GAB2: variants seen among roughly 807,000 people sequenced by gnomAD.
The protein encoded by GAB2 is GRB2-associated-binding protein 2.
A neutral mutation model predicts 65.5 loss-of-function variants in GAB2; 26 were observed. The ratio of observed to expected loss-of-function variants is 0.40; its 90% CI spans 0.29 to 0.55. The LOEUF (loss-of-function observed/expected upper bound fraction) is 0.55, where lower values mean the gene tolerates loss of function less well. GAB2 is among the 20% of genes least tolerant of loss of function. GAB2 has a pLI of 0.53. For synonymous variants in GAB2, 321 were observed against 329.6 expected (o/e 0.97, Z 0.28); for missense variants, 884 against 875.8 (o/e 1.01, Z -0.12).
chr11:78,269,875 G>T (rs984744258), intron 2 of GAB2, among the ~76,000 whole-genome samples: 1 of 152,180 alleles, frequency 6.6e-6, no homozygotes. Flanking sequence ...AGGAGTTCGA[G>T]AAGGTAAAAA....
chr11:78,289,019 G>C (rs140672275), intron 1 of GAB2, among the ~76,000 whole-genome samples: 3 of 152,336 alleles, frequency 2.0e-5, no homozygotes, highest in Non-Finnish European at 4.4e-5. Flanking sequence ...AAGATCAAGT[G>C]AAGAACAATG....
intron 2 of GAB2, among the ~76,000 whole-genome samples, chr11:78,276,055 A>G (rs554642402): frequency 6.6e-6 from 1 of 151,106 alleles, no homozygotes; most frequent in South Asian, 2.1e-4. Context: ...TGGAAGTTGC[A>G]GTAAGCCAAG....
In GAB2 at chr11:78,223,467, T is replaced by C; in HGVS notation, c.1512A>G (p.Arg504=). ...TTLPVHRGPS[R]GSEIQPPPVN... The stretch of plus-strand genomic sequence containing the variant: ...CAGGGGGTGGCTGAATCTCACTTCC[T>C]CTGCTGGGGCCTCGGTGCACAGGAA... Residue 504 remains arginine (R), a synonymous_variant, in exon 6 of 10, where the codon AGA becomes AGG. Coordinates refer to ENST00000361507, the MANE Select transcript of GAB2 (RefSeq NM_080491.3). 2 of 1,593,892 alleles carry C rather than the reference T, an allele frequency of 1.3e-6. No homozygotes were observed. The highest frequency in any genetic ancestry group is 1.7e-6 in the Non-Finnish European group (2 of 1,168,948).
chr11:78,346,674 C>CACATATATATATAT lies in GAB2; in HGVS notation c.76-65774_76-65773insATATATATATATGT, dbSNP rs1419527810. ...TGGGCTGTTCTGTTTACATCCCCTC[C>CACATATATATATAT]ATATATATATATATATATATATATA... is the stretch of plus-strand genomic sequence containing the variant. On this transcript the variant is annotated intron_variant, in intron 1 of 9. Transcript: ENST00000361507. Among the ~76,000 whole-genome samples the CACATATATATATAT allele has an allele frequency of 1.6e-4, 9 of 54,908 alleles. 1 individual carries two copies. The highest frequency in any genetic ancestry group is 4.3e-4 in the African/African-American group (6 of 14,104). 36.0% of individuals were successfully genotyped at this position (54,908 alleles called of 152,430 possible).
chr11:78,306,647 T>G lies in GAB2; in HGVS notation c.76-25746A>C, dbSNP rs186533794. ...TCCTTGGTTTATAAAGCTACAAGCT[T>G]CATCATGAATGTTATTTATGTTATT... On this transcript the variant is annotated intron_variant, in intron 1 of 9. Transcript: ENST00000361507. Among the ~76,000 whole-genome samples the G allele has an allele frequency of 2.0e-3, 307 of 152,384 alleles. 2 individuals carry two copies. Among genetic ancestry groups the G allele is most frequent in the Admixed American group, 4.3e-3 (66 of 15,304 alleles).
chr11:78,308,188 G>T (rs1855412470), intron 1 of GAB2, among the ~76,000 whole-genome samples: 1 of 152,094 alleles, frequency 6.6e-6, no homozygotes, highest in Non-Finnish European at 1.5e-5. Flanking sequence ...TTATGAAAAT[G>T]AGTCTATTCT....
At chr11:78,257,559 C>G (rs1283650311) in intron 2 of GAB2, among the ~76,000 whole-genome samples, 1 of 152,200 alleles carries the variant, frequency 6.6e-6, no homozygotes, top group Non-Finnish European at 1.5e-5. Flanking sequence ...CTTATTGCTC[C>G]TATTCCTGGA....
chr11:78,254,945 T>A (rs1865556640), intron 2 of GAB2, among the ~76,000 whole-genome samples: 1 of 152,104 alleles, frequency 6.6e-6, no homozygotes, highest in South Asian at 2.1e-4. Context: ...TGATTATTTC[T>A]TAGTGTCTAT....
rs778150977 is a variant in GAB2, at chr11:78,223,386, T to C, written c.1567+26A>G. The C allele has an allele frequency of 3.2e-5, 47 of 1,488,886 alleles. No individual in the cohort carries two copies. The South Asian group carries it at 4.8e-4, about 15-fold the overall frequency. The allele number at this position is 1,488,886 out of a possible 1,614,324, so 92.2% of individuals were successfully genotyped here. On this transcript the variant is annotated intron_variant, in intron 6 of 9. Coordinates refer to ENST00000361507, the MANE Select transcript of GAB2 (RefSeq NM_080491.3). ...AGAGTCCCTAGCCACTGTCCAGAGA[T>C]GGGACAGGGGAAAGAATGGACTTAC...
In GAB2 at chr11:78,219,093, G is replaced by A. The variant is rs1017195824; in HGVS notation, c.*179C>T. The A allele has an allele frequency of 3.3e-6, 2 of 607,470 alleles. No individual in the cohort carries two copies. The highest frequency in any genetic ancestry group is 5.7e-6 in the Non-Finnish European group (2 of 351,124). The allele number at this position is 607,470 out of a possible 1,614,324, so 37.6% of individuals were successfully genotyped here. ...CCCGAGTGGGCAGAGGAGGTGCCTT[G>A]ATCAGGCCCTCACCTCCCAGGGGAA... On this transcript the variant is annotated 3_prime_UTR_variant, in exon 10 of 10. Transcript: ENST00000361507.
At chr11:78,334,484 C>A (rs1330291887) in intron 1 of GAB2, among the ~76,000 whole-genome samples, 5 of 152,140 alleles carry the variant, frequency 3.3e-5, no homozygotes. Context: ...TTTTAGATCC[C>A]ACAAATAAGT....
At chr11:78,277,600 G>C (rs1270336298) in intron 2 of GAB2, among the ~76,000 whole-genome samples, 4 of 152,200 alleles carry the variant, frequency 2.6e-5, no homozygotes, top group Non-Finnish European at 5.9e-5. Context: ...CTTCCTCTAG[G>C]AACACTTGGC....
intron 8 of GAB2, among the ~76,000 whole-genome samples, chr11:78,221,397 C>T (rs1231815184): frequency 6.6e-6 from 1 of 152,212 alleles, no homozygotes; most frequent in Non-Finnish European, 1.5e-5. Context: ...TCCAAGGGCA[C>T]AGATCATGCC....
chr11:78,413,823 G>C (rs1335685742), intron 1 of GAB2, among the ~76,000 whole-genome samples: 1 of 152,062 alleles, frequency 6.6e-6, no homozygotes, highest in Non-Finnish European at 1.5e-5. Flanking sequence ...GGTGGCTCAT[G>C]TCTGTCTGTA....
At chr11:78,366,981 C>CA (rs561726457) in intron 1 of GAB2, among the ~76,000 whole-genome samples, 7 of 151,822 alleles carry the variant, frequency 4.6e-5, no homozygotes, top group African/African-American at 1.4e-4. Flanking sequence ...CTTAAGGATG[C>CA]AAAAAAATAC....
chr11:78,312,644 G>T (rs1326047388), intron 1 of GAB2, among the ~76,000 whole-genome samples: 1 of 152,040 alleles, frequency 6.6e-6, no homozygotes, highest in Non-Finnish European at 1.5e-5. Flanking sequence ...GGCCAGACTG[G>T]TCATGAACTC....
At chr11:78,309,959 TGTGTGTGTGTGTGC>T (rs1223937833) in intron 1 of GAB2, among the ~76,000 whole-genome samples, 18 of 137,260 alleles carry the variant, frequency 1.3e-4, no homozygotes, top group African/African-American at 4.2e-4. Context: ...TGTGTGTGTG[TGTGTGTGTGTGTGC>T]GCGCGCGCCT....
chr11:78,340,994 T>C (rs1329866087), intron 1 of GAB2, among the ~76,000 whole-genome samples: 1 of 152,164 alleles, frequency 6.6e-6, no homozygotes, highest in Non-Finnish European at 1.5e-5. Context: ...GCCCAAGATA[T>C]TTTTCATCTT....
intron 1 of GAB2, among the ~76,000 whole-genome samples, chr11:78,322,298 C>CAAAAAAAAAAAAAAAAAAAAAA (rs56709163): frequency 8.3e-5 from 1 of 12,076 alleles, no homozygotes; most frequent in Non-Finnish European, 2.3e-4. Context: ...GACTCTGTCT[C>CAAAAAAAAAAAAAAAAAAAAAA]AAAAAAAAAA....
Sources: allele counts gnomAD v4.1 joint callset (sites outside exome capture counted in the v4.1 genomes callset), GRCh38; gene constraint gnomAD v4.1.1; transcripts MANE v1.5; gene names NCBI Gene and HGNC (gene_info 2026-07-23, HGNC 2026-07-21).